The following ZPBP variants were observed in gnomAD, a reference collection of about 807,000 sequenced individuals.
The protein encoded by ZPBP is zona pellucida-binding protein 1.
ZPBP carries 26 observed loss-of-function variants against 44.8 expected under a neutral mutation model. That is an observed-to-expected ratio of 0.58 (90% CI 0.43 to 0.81). The LOEUF (loss-of-function observed/expected upper bound fraction) is 0.81. ZPBP is among the 30% of genes least tolerant of loss of function. The pLI is 0.00. For missense variants in ZPBP, 409 were observed against 434.0 expected, an observed-to-expected ratio of 0.94 and a Z score of 0.51; for synonymous variants, 174 against 153.2, an observed-to-expected ratio of 1.14 and a Z score of -1.00.
intron 7 of ZPBP, among the ~76,000 whole-genome samples, chr7:49,970,856 TAATA>T (rs148724446): frequency 0.24 from 33,465 of 142,338 alleles, 4,417 homozygotes; most frequent in East Asian, 0.61. Context: ...CTCTACAAAA[TAATA>T]AATAAATAAA....
chr7:50,084,588 A>G (rs1433805269), intron 2 of ZPBP, among the ~76,000 whole-genome samples: 1 of 151,976 alleles, frequency 6.6e-6, no homozygotes, highest in East Asian at 1.9e-4. Flanking sequence ...GACAGAAGAA[A>G]TGGTGGGCAC....
chr7:50,075,387 C>A (rs1350027411), intron 3 of ZPBP, among the ~76,000 whole-genome samples: 1 of 151,268 alleles, frequency 6.6e-6, no homozygotes, highest in Non-Finnish European at 1.5e-5. Context: ...CAAACCAAAC[C>A]CAAAATTAGT....
chr7:50,031,419 T>A, intron 4 of ZPBP, 109 bp from the exon 5 acceptor site: 1 of 818,936 alleles, frequency 1.2e-6, no homozygotes, highest in Non-Finnish European at 1.9e-6. Context: ...TTGGTACATG[T>A]TTTTAGATAT....
rs145372465 is a variant in ZPBP, at chr7:49,962,449, C to A, written c.961+20893G>T. Reference sequence around the variant, plus strand: ...ATTAGGAAAAATTCAACCTGATTTACGATTAAAAATCAAAATAAATAGGAA... The same window carrying A: ...ATTAGGAAAAATTCAACCTGATTTAAGATTAAAAATCAAAATAAATAGGAA... On this transcript the variant is annotated intron_variant, in intron 7 of 7. Coordinates refer to ENST00000046087, the MANE Select transcript of ZPBP (RefSeq NM_007009.3). Among the ~76,000 whole-genome samples the A allele has an allele frequency of 6.5e-4, 99 of 151,680 alleles. 1 individual carries two copies. Among genetic ancestry groups the A allele is most frequent in the African/African-American group, 2.2e-3 (92 of 41,442 alleles).
At chr7:49,871,981 A>C in intron 2 of ZPBP, among the ~76,000 whole-genome samples, 2 of 134,872 alleles carry the variant, frequency 1.5e-5, no homozygotes, top group East Asian at 2.6e-4. Flanking sequence ...GGAGGGAGGG[A>C]GGGTAGGAAG....
At chr7:49,985,327 G>A (rs1257241832) in intron 6 of ZPBP, among the ~76,000 whole-genome samples, 1 of 152,076 alleles carries the variant, frequency 6.6e-6, no homozygotes, top group African/African-American at 2.4e-5. Flanking sequence ...TATGCCAGAG[G>A]AACTTAACTC....
At chr7:50,020,047 CAA>C (rs879423466) in intron 5 of ZPBP, among the ~76,000 whole-genome samples, 28 of 104,328 alleles carry the variant, frequency 2.7e-4, no homozygotes, top group Non-Finnish European at 2.8e-4. Flanking sequence ...GACTCTGTCT[CAA>C]AAAAAAAAAA....
rs542082182 is a variant in ZPBP, at chr7:49,866,585, C to T, written n.510-16071G>A. ...GCTTGCCCATGTGACTCAGAAAAGACGGAAAACAGCCTCCTTCTTGATGGG... is the reference window on the plus strand; with the variant it reads ...GCTTGCCCATGTGACTCAGAAAAGATGGAAAACAGCCTCCTTCTTGATGGG... On this transcript the variant is annotated intron_variant and non_coding_transcript_variant, in intron 2 of 2. Coordinates refer to the ZPBP transcript ENST00000465922. Among the ~76,000 whole-genome samples, 15 of 152,254 alleles carry T rather than the reference C, an allele frequency of 9.9e-5. No individual in the cohort carries two copies. The East Asian group carries it at 1.4e-3, about 14-fold the overall frequency.
chr7:50,058,121 T>C lies in ZPBP; in HGVS notation c.355A>G (p.Ile119Val), dbSNP rs753346632. ...VVSVENRTAQ[I>V]TSTGSLVFQN... The stretch of plus-strand genomic sequence containing the variant: ...AATACAAGGCTTCCTGTGGATGTTA[T>C]TTGTGCAGTGCGGTTTTCTACTAAA... Residue 119 changes from isoleucine (I) to valine (V), a missense_variant, in exon 4 of 8, where the codon ATA (isoleucine) becomes GTA (valine). Coordinates refer to ENST00000046087, the MANE Select transcript of ZPBP (RefSeq NM_007009.3). 3 of 1,613,882 alleles carry C rather than the reference T, an allele frequency of 1.9e-6. No individual in the cohort carries two copies. The highest frequency in any genetic ancestry group is 1.7e-6 in the Non-Finnish European group (2 of 1,179,866).
chr7:49,852,174 C>T (rs1466129796), intron 2 of ZPBP, among the ~76,000 whole-genome samples: 1 of 152,218 alleles, frequency 6.6e-6, no homozygotes, highest in Admixed American at 6.5e-5. Flanking sequence ...CCTGTGGCCA[C>T]TGCCTTATCT....
At chr7:50,015,643 T>G (rs961092246) in intron 6 of ZPBP, among the ~76,000 whole-genome samples, 11 of 152,028 alleles carry the variant, frequency 7.2e-5, no homozygotes, top group African/African-American at 2.4e-4. Context: ...GGGAGAAAAT[T>G]TTTGCAAACT....
At chr7:49,859,824 A>T (rs1055770452) in intron 2 of ZPBP, among the ~76,000 whole-genome samples, 4 of 146,408 alleles carry the variant, frequency 2.7e-5, no homozygotes, top group South Asian at 2.2e-4. Context: ...ACACACACAC[A>T]CTCACTCTGC....
At position 49,865,318 on chromosome 7, in the gene ZPBP, T is replaced by A. The variant is rs993976280; in HGVS notation, n.510-14804A>T. 5.9e-5 allele frequency among the ~76,000 whole-genome samples: 9 copies of A among 152,186 alleles called. No homozygotes were observed. The East Asian group carries it at 7.7e-4, about 13-fold the overall frequency. On this transcript the variant is annotated intron_variant and non_coding_transcript_variant, in intron 2 of 2. Coordinates refer to the ZPBP transcript ENST00000465922. ...CAAGTAATAGATTCTCTCCTATCCA[T>A]TTTGATATCTTTGATAATTTACTGA... is the stretch of plus-strand genomic sequence containing the variant.
chr7:50,054,040 C>T (rs1162546647), intron 4 of ZPBP, among the ~76,000 whole-genome samples: 1 of 152,064 alleles, frequency 6.6e-6, no homozygotes, highest in Non-Finnish European at 1.5e-5. Flanking sequence ...AGGCATGCAC[C>T]ACCACGCCTG....
At chr7:49,905,231 A>G (rs1793021768) in intron 1 of ZPBP, among the ~76,000 whole-genome samples, 1 of 152,174 alleles carries the variant, frequency 6.6e-6, no homozygotes, top group African/African-American at 2.4e-5. Flanking sequence ...CAGTTCTATG[A>G]TGTATTAGGA....
intron 4 of ZPBP, among the ~76,000 whole-genome samples, chr7:50,051,284 C>T (rs1800680066): frequency 6.6e-6 from 1 of 152,216 alleles, no homozygotes; most frequent in African/African-American, 2.4e-5. Context: ...CAAGAAATAA[C>T]AGATGCTGTC....
chr7:49,884,415 TA>T (rs955384404), intron 2 of ZPBP, among the ~76,000 whole-genome samples: 17 of 152,252 alleles, frequency 1.1e-4, no homozygotes, highest in African/African-American at 3.8e-4. Context: ...TCTCCTTGAC[TA>T]AAATTGGGGG....
chr7:50,066,032 T>C (rs1801484972), intron 3 of ZPBP, among the ~76,000 whole-genome samples: 1 of 151,136 alleles, frequency 6.6e-6, no homozygotes, highest in Non-Finnish European at 1.5e-5. Flanking sequence ...GTTGGAGCTG[T>C]GTTAGCGTAT....
At chr7:49,869,399 ATTTCAAACAAAGCAACGAT>A (rs1221009696) in intron 2 of ZPBP, among the ~76,000 whole-genome samples, 1 of 152,204 alleles carries the variant, frequency 6.6e-6, no homozygotes, top group Admixed American at 6.5e-5. Context: ...AGGAAGGACT[ATTTCAAACAAAGCAACGAT>A]TTTAACAAAT....
Sources: gnomAD v4.1 joint callset for allele counts (sites outside exome capture counted in the v4.1 genomes callset) on GRCh38, gnomAD v4.1.1 for gene constraint, MANE v1.5 for transcripts, NCBI Gene and HGNC (gene_info 2026-07-23, HGNC 2026-07-21) for gene names.